Variants in KCTD1 observed in about 807,000 individuals in gnomAD.
The protein encoded by KCTD1 is potassium channel tetramerization domain containing 1, also known as BTB/POZ domain-containing protein KCTD1.
KCTD1 carries 24 observed loss-of-function variants against 66.0 expected under a neutral mutation model. That is an observed-to-expected ratio of 0.36 (90% CI 0.26 to 0.51). The LOEUF (loss-of-function observed/expected upper bound fraction) is 0.51. Among genes scored for constraint, KCTD1 ranks in the 20% least tolerant of loss-of-function variants. KCTD1 has a pLI of 0.95. For missense variants in KCTD1, 943 were observed against 1,205.2 expected (o/e 0.78, Z 3.22); for synonymous variants, 511 against 517.2 (o/e 0.99, Z 0.16).
intron 1 of KCTD1, among the ~76,000 whole-genome samples, chr18:26,605,748 C>CTATT (rs1170046785): frequency 1.4e-5 from 2 of 141,840 alleles, no homozygotes; most frequent in Non-Finnish European, 3.0e-5. Context: ...ATCTATCTAT[C>CTATT]TATCTATCTA....
At chr18:26,631,270 G>T (rs915982276), upstream of KCTD1, among the ~76,000 whole-genome samples, 2 of 152,152 alleles carry the variant, frequency 1.3e-5, no homozygotes, top group African/African-American at 4.8e-5. Context: ...TCTGAGAAAT[G>T]TGTTATTAGG....
intron 1 of KCTD1, among the ~76,000 whole-genome samples, chr18:26,609,643 C>T (rs17224811): frequency 0.056 from 8,549 of 152,274 alleles, 301 homozygotes; most frequent in South Asian, 0.14. Flanking sequence ...GCTCTAAAAG[C>T]GGGTAGTTCA....
At chr18:26,466,513 C>G (rs1435622581) in intron 3 of KCTD1, among the ~76,000 whole-genome samples, 2 of 152,168 alleles carry the variant, frequency 1.3e-5, no homozygotes, top group East Asian at 3.8e-4. Context: ...TTGGTTGTTG[C>G]AACCGGGAAG....
intron 2 of KCTD1, among the ~76,000 whole-genome samples, chr18:26,489,844 C>G (rs1982101990): frequency 6.6e-6 from 1 of 152,108 alleles, no homozygotes; most frequent in Non-Finnish European, 1.5e-5. Context: ...TAAAGTGGAG[C>G]ATATTTGTCA....
intron 1 of KCTD1, among the ~76,000 whole-genome samples, chr18:26,647,737 G>A (rs1479934957): frequency 6.6e-6 from 1 of 152,098 alleles, no homozygotes; most frequent in Non-Finnish European, 1.5e-5. Context: ...CATACTGCAG[G>A]TGAATTTCTT....
chr18:26,642,583 T>C (rs902242371), upstream of KCTD1, among the ~76,000 whole-genome samples: 4 of 152,078 alleles, frequency 2.6e-5, no homozygotes, highest in African/African-American at 7.2e-5. Context: ...CACTAACTAA[T>C]CTCTATTTCC....
chr18:26,548,379 G>A lies in KCTD1; in HGVS notation c.158C>T (p.Ala53Val). 6.8e-7 allele frequency: 1 copy of A among 1,472,474 alleles called. No individual in the cohort carries two copies. Among genetic ancestry groups the A allele is most frequent in the Non-Finnish European group, 9.0e-7 (1 of 1,112,610 alleles). The allele number at this position is 1,472,474 out of a possible 1,614,324, so 91.2% of individuals were successfully genotyped here. A position where few individuals can be genotyped will look rare whatever the true frequency, so the allele number is the denominator to read the frequency against. Reference sequence around the variant, plus strand: ...CTCCTCTTCCTCCTCCTCCTCGCCCGCGCTGCAGTAGTGCGGACGGCTGTG... The same window carrying A: ...CTCCTCTTCCTCCTCCTCCTCGCCCACGCTGCAGTAGTGCGGACGGCTGTG... Reference protein sequence around the residue: ...RRHSRPHYCSAGEEEEEEEEE... With the variant: ...RRHSRPHYCSVGEEEEEEEEE... Residue 53 changes from alanine to valine, a missense_variant, in exon 1 of 5, where the codon GCG (alanine) becomes GTG (valine). By Grantham distance (64) the Ala-to-Val change is moderately conservative. Around this residue, in one of 10 missense-constraint regions of KCTD1, gnomAD observed 236 missense variants for 206.6 expected, o/e 1.14. Coordinates refer to ENST00000580059, the MANE Select transcript of KCTD1 (RefSeq NM_001142730.3).
At position 26,548,159 on chromosome 18, in the gene KCTD1, G is replaced by A; in HGVS notation, c.378C>T (p.Asp126=). ...CCTCGGGCTCCAGCGCGGCGCTCTG[G>A]TCCATATTGATCATATGGACCGGCT... ...EPEPVHMINM[D]QSAALEPEAP... is the part of the protein sequence containing the mutation. The change falls in exon 1 of 5, where the codon GAC becomes GAT. Residue 126 remains aspartate, a synonymous_variant. Transcript: ENST00000580059. 6.8e-7 allele frequency: 1 copy of A among 1,465,042 alleles called. No individual in the cohort carries two copies. The highest frequency in any genetic ancestry group is 9.0e-7 in the Non-Finnish European group (1 of 1,110,164). 90.8% of individuals were successfully genotyped at this position (1,465,042 alleles called of 1,614,324 possible). A position where few individuals can be genotyped will look rare whatever the true frequency, so the allele number is the denominator to read the frequency against.
At chr18:26,517,473 T>C (rs963534570) in intron 1 of KCTD1, among the ~76,000 whole-genome samples, 6 of 152,020 alleles carry the variant, frequency 3.9e-5, no homozygotes, top group African/African-American at 1.4e-4. Flanking sequence ...CTGACCAACA[T>C]GGAGAAACCC....
chr18:26,591,020 A>C (rs1986589089), intron 1 of KCTD1, among the ~76,000 whole-genome samples: 1 of 152,170 alleles, frequency 6.6e-6, no homozygotes, highest in Admixed American at 6.5e-5. Flanking sequence ...AGATTAGATA[A>C]TGTATATGAA....
chr18:26,561,227 G>C (rs536279742), intron 1 of KCTD1, among the ~76,000 whole-genome samples: 1 of 152,140 alleles, frequency 6.6e-6, no homozygotes, highest in Non-Finnish European at 1.5e-5. Flanking sequence ...TAACTGCAGT[G>C]GAGTAAAAAG....
At chr18:26,635,376 G>A (rs1987702248) in intron 1 of KCTD1, among the ~76,000 whole-genome samples, 1 of 152,220 alleles carries the variant, frequency 6.6e-6, no homozygotes, top group South Asian at 2.1e-4. Flanking sequence ...AGTGCAACAG[G>A]CATATTCTTG....
chr18:26,506,943 A>T (rs1194727714), intron 1 of KCTD1, among the ~76,000 whole-genome samples: 2 of 152,236 alleles, frequency 1.3e-5, no homozygotes, highest in Non-Finnish European at 2.9e-5. Flanking sequence ...AGGCGGGCAG[A>T]TCACCTGAGG....
intron 1 of KCTD1, among the ~76,000 whole-genome samples, chr18:26,650,074 T>C (rs1266185365): frequency 6.6e-6 from 1 of 152,160 alleles, no homozygotes; most frequent in African/African-American, 2.4e-5. Flanking sequence ...CAGGACGACC[T>C]CCACATGAGT....
At chr18:26,620,371 AAAAAAAAAAAAAAAC>A in intron 1 of KCTD1, among the ~76,000 whole-genome samples, 1 of 137,284 alleles carries the variant, frequency 7.3e-6, no homozygotes, top group African/African-American at 2.7e-5. Context: ...AAAAAAAAAA[AAAAAAAAAAAAAAAC>A]TATAACAAGT....
At chr18:26,470,005 T>A (rs551205306) in intron 3 of KCTD1, among the ~76,000 whole-genome samples, 1 of 152,134 alleles carries the variant, frequency 6.6e-6, no homozygotes, top group African/African-American at 2.4e-5. Flanking sequence ...TGAAGATATA[T>A]ACACAAAATA....
At chr18:26,590,506 A>G (rs1986576116) in intron 1 of KCTD1, among the ~76,000 whole-genome samples, 1 of 152,170 alleles carries the variant, frequency 6.6e-6, no homozygotes. Context: ...CTATTTAGAA[A>G]GGTCGCTGAT....
intron 1 of KCTD1, among the ~76,000 whole-genome samples, chr18:26,524,906 C>T (rs576747608): frequency 2.0e-5 from 3 of 152,210 alleles, no homozygotes; most frequent in South Asian, 4.2e-4. Flanking sequence ...GTTAGAGGCA[C>T]GACTTTTAGT....
At chr18:26,597,011 T>C (rs1334344891) in intron 1 of KCTD1, among the ~76,000 whole-genome samples, 4 of 152,052 alleles carry the variant, frequency 2.6e-5, no homozygotes, top group African/African-American at 9.6e-5. Flanking sequence ...CCTATGGGCC[T>C]GCTCTGGGGA....
Sources: gnomAD v4.1 joint callset for allele counts (sites outside exome capture counted in the v4.1 genomes callset) on GRCh38, gnomAD v4.1.1 for gene constraint, gnomAD v4.1.1 regional missense constraint, MANE v1.5 for transcripts, NCBI Gene and HGNC (gene_info 2026-07-23, HGNC 2026-07-21) for gene names.